CDH15: variants seen among roughly 807,000 people sequenced by gnomAD.
CDH15 encodes cadherin 15, also known as cadherin-15.
A neutral mutation model predicts 69.4 loss-of-function variants in CDH15; 73 were observed. The ratio of observed to expected loss-of-function variants is 1.05; its 90% CI spans 0.87 to 1.28. The LOEUF (loss-of-function observed/expected upper bound fraction) is 1.28, where lower values mean the gene tolerates loss of function less well. Among genes scored for constraint, CDH15 ranks in the 50% most tolerant of loss-of-function variants. The probability of loss-of-function intolerance (pLI) is 0.00; values close to 1 mark genes in which losing one functional copy is unlikely to be tolerated. For missense variants in CDH15, 1,343 were observed against 1,133.6 expected (o/e 1.18, Z -2.65); for synonymous variants, 624 against 507.7 (o/e 1.23, Z -3.08).
chr16:89,179,205 C>G (rs1915319865), intron 1 of CDH15, among the ~76,000 whole-genome samples: 1 of 152,218 alleles, frequency 6.6e-6, no homozygotes, highest in African/African-American at 2.4e-5. Flanking sequence ...AAGGCCCTGG[C>G]TCAGTCCGAC....
chr16:89,191,944 C>T lies in CDH15; in HGVS notation c.1615+50C>T, dbSNP rs770160553. ...CCCCCCATCCCCACGCTCCCCCCAC[C>T]CCCACATTCCGGCCTCGGACGGGGG... is the stretch of plus-strand genomic sequence containing the variant. On this transcript the variant is annotated intron_variant, in intron 10 of 13. Transcript: ENST00000289746. 18 of 1,489,606 alleles carry T rather than the reference C, an allele frequency of 1.2e-5. No homozygotes were observed. The South Asian group carries it at 1.9e-4, about 15-fold the overall frequency. 92.3% of individuals were successfully genotyped at this position (1,489,606 alleles called of 1,614,324 possible).
At chr16:89,186,359 AG>A (rs1365482988) in intron 5 of CDH15, among the ~76,000 whole-genome samples, 1 of 138,058 alleles carries the variant, frequency 7.2e-6, no homozygotes, top group Non-Finnish European at 1.6e-5. Flanking sequence ...AGCGCACAGA[AG>A]GTGCTCTGTA....
chr16:89,194,212 G>C (rs1447545639), intron 13 of CDH15, among the ~76,000 whole-genome samples: 2 of 152,228 alleles, frequency 1.3e-5, no homozygotes, highest in Admixed American at 1.3e-4. Flanking sequence ...GGAGCCCCGG[G>C]AGCATCCCCT....
chr16:89,189,263 A>AGG (rs1357594180), intron 7 of CDH15, among the ~76,000 whole-genome samples: 32 of 134,120 alleles, frequency 2.4e-4, no homozygotes, highest in African/African-American at 8.2e-4. Context: ...GCCCACACAC[A>AGG]TGCCCACACA....
chr16:89,181,694 GT>G (rs1915380341), intron 3 of CDH15, among the ~76,000 whole-genome samples: 2 of 151,766 alleles, frequency 1.3e-5, no homozygotes, highest in Non-Finnish European at 2.9e-5. Flanking sequence ...AATCCCAGCA[GT>G]TTGGGAGGCC....
intron 8 of CDH15, among the ~76,000 whole-genome samples, chr16:89,190,891 G>A (rs1322478718): frequency 6.6e-6 from 1 of 152,160 alleles, no homozygotes; most frequent in Non-Finnish European, 1.5e-5. Context: ...AATTGTCTCA[G>A]CGCCCTGGAC....
intron 10 of CDH15, 45 bp downstream of exon 10, chr16:89,191,939 C>T: frequency 6.7e-7 from 1 of 1,497,800 alleles, no homozygotes; most frequent in East Asian, 2.5e-5. Flanking sequence ...CCACGCTCCC[C>T]CCACCCCCAC....
At chr16:89,188,066 C>T in intron 6 of CDH15, 34 bp from the exon 7 acceptor site, 1 of 1,580,510 alleles carries the variant, frequency 6.3e-7, no homozygotes, top group Admixed American at 1.8e-5. Context: ...CCCCCCAGCC[C>T]TGCTGGTAAC....
At chr16:89,173,158 G>A (rs1233912143) in intron 1 of CDH15, among the ~76,000 whole-genome samples, 1 of 152,118 alleles carries the variant, frequency 6.6e-6, no homozygotes, top group Non-Finnish European at 1.5e-5. Context: ...CTCAGCATGC[G>A]TGCTCACCCC....
At chr16:89,187,877 A>G (rs945714255) in intron 6 of CDH15, among the ~76,000 whole-genome samples, 2 of 152,188 alleles carry the variant, frequency 1.3e-5, no homozygotes, top group Admixed American at 1.3e-4. Context: ...CTGAGCCCAC[A>G]GAGGAGGACC....
chr16:89,190,261 T>C lies in CDH15; in HGVS notation c.997T>C (p.Cys333Arg). 1 of 1,612,706 alleles carries C rather than the reference T, an allele frequency of 6.2e-7. No homozygotes were observed. Residue 333 changes from cysteine (C) to arginine (R), a missense_variant, in exon 8 of 14, where the codon TGT (cysteine) becomes CGT (arginine). Transcript: ENST00000289746. The part of the protein sequence containing the change: ...SIVKALDYES[C>R]EHYELKVSVQ... ...CCCTCAGGCCCTGGACTATGAGAGC[T>C]GTGAACACTACGAACTCAAAGTGTC...
chr16:89,193,341 G>A, intron 11 of CDH15, 129 bp from the exon 12 acceptor site: 1 of 376,782 alleles, frequency 2.7e-6, no homozygotes, highest in South Asian at 2.6e-5. Flanking sequence ...CCCAACTGCC[G>A]CCCCCTCAAC....
At chr16:89,193,028 TACTA>T in intron 11 of CDH15, among the ~76,000 whole-genome samples, 1 of 30,192 alleles carries the variant, frequency 3.3e-5, no homozygotes. Flanking sequence ...GCCCCCTCAT[TACTA>T]GCCACGCCCC....
chr16:89,193,584 A>C lies in CDH15; in HGVS notation c.1970A>C (p.Gln657Pro). Reference protein sequence around the residue: ...LRDNVLNYDEQGGGEEDQDAY... With the variant: ...LRDNVLNYDEPGGGEEDQDAY... ...GACAATGTCCTCAACTACGATGAGCAAGGAGGCGGGGAGGAGGACCAGGTG... is the reference window on the plus strand; with the variant it reads ...GACAATGTCCTCAACTACGATGAGCCAGGAGGCGGGGAGGAGGACCAGGTG... The change falls in exon 12 of 14, where the codon CAA (glutamine) becomes CCA (proline). Residue 657 changes from glutamine (Q) to proline (P), a missense_variant. Transcript: ENST00000289746. 6.3e-7 allele frequency: 1 copy of C among 1,589,288 alleles called. No homozygotes were observed. Among genetic ancestry groups the C allele is most frequent in the Non-Finnish European group, 8.6e-7 (1 of 1,162,074 alleles).
chr16:89,177,188 C>A (rs914073433), intron 1 of CDH15, among the ~76,000 whole-genome samples: 1 of 145,800 alleles, frequency 6.9e-6, no homozygotes, highest in African/African-American at 2.5e-5. Context: ...CGGTGGGGGG[C>A]GGGAAGGGCC....
At chr16:89,194,780 A>G (rs1025491108) in intron 13 of CDH15, 82 bp from the exon 14 acceptor site, 2 of 1,406,884 alleles carry the variant, frequency 1.4e-6, no homozygotes. Context: ...CCTTGAGCTG[A>G]CTTTGCCCTG....
Position 89,180,275 on chromosome 16 carries a change from G to A in CDH15, c.277G>A (p.Gly93Ser), listed in dbSNP as rs1045002194. Residue 93 changes from glycine (G) to serine (S), a missense_variant, in exon 3 of 14, where the codon GGC (glycine) becomes AGC (serine). Gly to Ser is a moderately conservative substitution (Grantham distance 56). Transcript: ENST00000289746. ...QGPGVDEEPR[G>S]VFSIDKFTGK... ...ACCCGGCGTGGATGAGGAGCCCCGG[G>A]GCGTCTTCTCTATCGACAAGTTCAC... 1 of 1,610,608 alleles carries A rather than the reference G, an allele frequency of 6.2e-7. No homozygotes were observed. Among genetic ancestry groups the A allele is most frequent in the Non-Finnish European group, 8.5e-7 (1 of 1,178,684 alleles).
chr16:89,183,615 T>C lies in CDH15; in HGVS notation c.425T>C (p.Val142Ala), dbSNP rs775951275. 3.7e-6 allele frequency: 6 copies of C among 1,614,080 alleles called. No homozygotes were observed. Among genetic ancestry groups the C allele is most frequent in the East Asian group, 2.2e-5 (1 of 44,888 alleles). The change falls in exon 4 of 14, where the codon GTT becomes GCT. Residue 142 changes from valine (V) to alanine (A), a missense_variant. Val to Ala is a moderately conservative substitution (Grantham distance 64, BLOSUM62 0). Transcript: ENST00000289746. ...LEDPTDLEIV[V>A]VDQNDNRPAF... is the part of the protein sequence containing the mutation. ...GACCCCACGGACCTGGAGATTGTAG[T>C]TGTGGATCAGAATGACAACCGGCCA... is the stretch of plus-strand genomic sequence containing the variant.
At chr16:89,186,385 G>A (rs113560088) in intron 5 of CDH15, among the ~76,000 whole-genome samples, 2 of 133,318 alleles carry the variant, frequency 1.5e-5, no homozygotes, top group Admixed American at 1.5e-4. Context: ...CTCACCCAGC[G>A]CACAGTAGGT....
Sources: gnomAD v4.1 joint callset for allele counts (sites outside exome capture counted in the v4.1 genomes callset) on GRCh38, gnomAD v4.1.1 for gene constraint, MANE v1.5 for transcripts, NCBI Gene and HGNC (gene_info 2026-07-23, HGNC 2026-07-21) for gene names.